DTX2: variants seen among roughly 807,000 people sequenced by gnomAD.
The protein encoded by DTX2 is probable E3 ubiquitin-protein ligase DTX2.
A neutral mutation model predicts 55.3 loss-of-function variants in DTX2; 29 were observed. The observed-to-expected ratio is 0.52, with a 90% CI of 0.39 to 0.71. DTX2 has a LOEUF of 0.71. Ranked by LOEUF, DTX2 falls within the 30% of genes least tolerant of loss-of-function variation. The pLI is 0.00. For synonymous variants in DTX2, 276 were observed against 340.4 expected (o/e 0.81, Z 2.08); for missense variants, 537 against 822.5 (o/e 0.65, Z 4.25).
chr7:76,490,335 CA>C (rs1810284546), intron 4 of DTX2, among the ~76,000 whole-genome samples: 2 of 86,500 alleles, frequency 2.3e-5, no homozygotes, highest in South Asian at 4.2e-4. Context: ...CTCACCCCCC[CA>C]AAAAAAGAAA....
chr7:76,495,030 G>A (rs140413917), intron 5 of DTX2, among the ~76,000 whole-genome samples: 30 of 146,394 alleles, frequency 2.0e-4, no homozygotes, highest in African/African-American at 6.7e-4. Context: ...ACTGCTTCCA[G>A]GTGACAGTGC....
chr7:76,483,351 C>G (rs2116406485), intron 4 of DTX2, among the ~76,000 whole-genome samples: 1 of 152,322 alleles, frequency 6.6e-6, no homozygotes, highest in African/African-American at 2.4e-5. Flanking sequence ...CTGGCGGTCA[C>G]CACACGGGTT....
intron 6 of DTX2, among the ~76,000 whole-genome samples, chr7:76,498,073 T>C (rs1469745082): frequency 6.6e-6 from 1 of 152,168 alleles, no homozygotes; most frequent in African/African-American, 2.4e-5. Context: ...GTGCTGGCCC[T>C]GCTTCCACCC....
At position 76,471,368 on chromosome 7, in the gene DTX2, A is replaced by G. The variant is rs568669610; in HGVS notation, c.-90+7659A>G. Among the ~76,000 whole-genome samples the G allele has an allele frequency of 2.0e-4, 30 of 149,698 alleles. No homozygotes were observed. In the South Asian group the frequency reaches 6.0e-3, roughly 30 times the overall value. ...AGTAGAGACAGGGTTTCACCATGTT[A>G]GCCACGATGGTCTCGATCTCCTGAC... On this transcript the variant is annotated intron_variant, in intron 2 of 10. Transcript: ENST00000430490.
At chr7:76,477,155 C>T (rs1346994499) in intron 2 of DTX2, 2 of 134,574 alleles carry the variant, frequency 1.5e-5, no homozygotes, top group African/African-American at 3.0e-5. Flanking sequence ...ATTCCGCCCG[C>T]CCGCCCGCCC....
intron 2 of DTX2, among the ~76,000 whole-genome samples, chr7:76,466,723 G>A (rs1248336334): frequency 1.8e-4 from 28 of 152,296 alleles, no homozygotes; most frequent in Admixed American, 3.9e-4. Context: ...CTCAGACTCC[G>A]GAGTAGCTAG....
rs775933858 is a variant in DTX2 at position 76,482,607 on chromosome 7, C to T, written c.368C>T (p.Ala123Val). 4.3e-6 allele frequency: 7 copies of T among 1,613,672 alleles called. No homozygotes were observed. Among genetic ancestry groups the T allele is most frequent in the South Asian group, 3.3e-5 (3 of 91,080 alleles). ...CTGAGCGACGATGGCTCCTGGACTG[C>T]CTATGAAGCCAGCGTCTGTGACTAT... ...EWLSDDGSWT[A>V]YEASVCDYLE... The change falls in exon 4 of 11, where the codon GCC becomes GTC. Residue 123 changes from alanine to valine, a missense_variant. Physicochemically the swap from Ala to Val is moderately conservative, Grantham distance 64. Coordinates refer to ENST00000430490, the MANE Select transcript of DTX2 (RefSeq NM_001102594.3).
Position 76,483,001 on chromosome 7 carries a change from G to A in DTX2, c.762G>A (p.Gly254=), listed in dbSNP as rs146537218. 306 of 1,613,512 alleles carry A rather than the reference G, an allele frequency of 1.9e-4. No individual in the cohort carries two copies. Among genetic ancestry groups the A allele is most frequent in the Middle Eastern group, 1.3e-3 (8 of 6,056 alleles). The change falls in exon 4 of 11, where the codon GGG becomes GGA. Residue 254 remains glycine, a synonymous_variant. Coordinates refer to ENST00000430490, the MANE Select transcript of DTX2 (RefSeq NM_001102594.3). ...FAPYNKPSLS[G]ARSAPRLNTT... is the part of the protein sequence containing the mutation. ...CGTACAACAAACCCTCACTCTCCGG[G>A]GCCCGGTCTGCGCCCAGGCTGAACA...
chr7:76,483,043 C>T lies in DTX2; in HGVS notation c.804C>T (p.Gly268=), dbSNP rs544024397. The T allele has an allele frequency of 2.1e-5, 34 of 1,613,336 alleles. No homozygotes were observed. Among genetic ancestry groups the T allele is most frequent in the East Asian group, 1.1e-4 (5 of 44,880 alleles). ...GGCTGAACACCACCAACGCCTGGGG[C>T]GCAGCTCCTCCTTCCCTGGGGAGCC... ...APRLNTTNAW[G]AAPPSLGSQP... is the part of the protein sequence containing the mutation. The change falls in exon 4 of 11, where the codon GGC becomes GGT. Residue 268 remains glycine, a synonymous_variant. Transcript: ENST00000430490.
At chr7:76,503,911 G>A (rs1054167430) in intron 9 of DTX2, among the ~76,000 whole-genome samples, 1 of 148,738 alleles carries the variant, frequency 6.7e-6, no homozygotes, top group African/African-American at 2.4e-5. Flanking sequence ...CCCTGCGGAG[G>A]GGCTGGAGAA....
At chr7:76,466,809 A>T (rs1231566454) in intron 2 of DTX2, among the ~76,000 whole-genome samples, 1 of 152,156 alleles carries the variant, frequency 6.6e-6, no homozygotes, top group Non-Finnish European at 1.5e-5. Context: ...TGTTAGTCAG[A>T]CTGGTCTCAA....
At chr7:76,501,166 G>A (rs1373415028) in intron 7 of DTX2, 10 of 407,164 alleles carry the variant, frequency 2.5e-5, no homozygotes, top group Non-Finnish European at 2.9e-5. Flanking sequence ...GTGGGTGAAC[G>A]GCCGGGAGTA....
Position 76,483,141 on chromosome 7 carries a change from C to T in DTX2, c.902C>T (p.Ala301Val). The change falls in exon 4 of 11, where the codon GCA (alanine) becomes GTA (valine). Residue 301 changes from alanine (A) to valine (V), a missense_variant. Physicochemically the swap from Ala to Val is moderately conservative, Grantham distance 64. Coordinates refer to ENST00000430490, the MANE Select transcript of DTX2 (RefSeq NM_001102594.3). ...HLPPGSSTSG[A>V]VSASLPSGPS... ...CCCCCAGGATCCTCCACCTCCGGTG[C>T]AGTCAGGTATCGTGGGCAACGGCCG... The T allele has an allele frequency of 1.2e-6, 2 of 1,610,342 alleles. No individual in the cohort carries two copies. The highest frequency in any genetic ancestry group is 1.7e-6 in the Non-Finnish European group (2 of 1,179,036).
rs138141868 is a variant in DTX2 at position 76,483,012 on chromosome 7, C to T, written c.773C>T (p.Ala258Val). 3.0e-4 allele frequency: 489 copies of T among 1,613,448 alleles called. 5 individuals carry two copies. The South Asian group carries it at 5.0e-3, about 16-fold the overall frequency. ...NKPSLSGARS[A>V]PRLNTTNAWG... ...CCCTCACTCTCCGGGGCCCGGTCTG[C>T]GCCCAGGCTGAACACCACCAACGCC... Residue 258 changes from alanine to valine, a missense_variant, in exon 4 of 11, where the codon GCG (alanine) becomes GTG (valine). This residue lies in a region of DTX2 where 301 missense variants were observed against 396.6 expected (regional missense o/e 0.76). Transcript: ENST00000430490.
intron 2 of DTX2, among the ~76,000 whole-genome samples, chr7:76,471,421 A>T (rs1807898973): frequency 1.3e-5 from 2 of 150,536 alleles, no homozygotes; most frequent in Admixed American, 6.6e-5. Flanking sequence ...TTGGCCTCCC[A>T]AAGTGCTGGG....
chr7:76,505,749 C>A lies in DTX2; in HGVS notation c.*148C>A. On this transcript the variant is annotated 3_prime_UTR_variant, in exon 11 of 11. Transcript: ENST00000430490. The surrounding 1 kb of genome is among the most constrained non-coding windows in gnomAD (Gnocchi z 4.4). ...CCACCTGAAGCCGGGGCTCCCCCTGCCTGCCTCTCTCTCCTCCTCCCCTCT... is the reference window on the plus strand; with the variant it reads ...CCACCTGAAGCCGGGGCTCCCCCTGACTGCCTCTCTCTCCTCCTCCCCTCT... The A allele has an allele frequency of 1.2e-6, 1 of 810,480 alleles. No individual in the cohort carries two copies. Among genetic ancestry groups the A allele is most frequent in the Non-Finnish European group, 1.9e-6 (1 of 514,906 alleles). The allele number at this position is 810,480 out of a possible 1,614,324, so 50.2% of individuals were successfully genotyped here. A position where few individuals can be genotyped will look rare whatever the true frequency, so the allele number is the denominator to read the frequency against.
chr7:76,467,963 G>A (rs1474160034), intron 2 of DTX2, among the ~76,000 whole-genome samples: 2 of 152,294 alleles, frequency 1.3e-5, no homozygotes, highest in African/African-American at 4.8e-5. Flanking sequence ...AGGAGCTGAC[G>A]GTTTGAGGGG....
At chr7:76,502,683 C>T (rs532258927) in intron 8 of DTX2, 196 of 545,904 alleles carry the variant, frequency 3.6e-4, no homozygotes, top group Middle Eastern at 1.4e-3. Flanking sequence ...AGGACCAGTG[C>T]GGCTGGTTCC....
chr7:76,480,482 T>A lies in DTX2; in HGVS notation c.-28T>A, dbSNP rs183022704. 2.8e-3 allele frequency: 4,325 copies of A among 1,538,236 alleles called. 13 individuals are homozygous for A. The highest frequency in any genetic ancestry group is 3.5e-3 in the Non-Finnish European group (3,998 of 1,144,804). The stretch of plus-strand genomic sequence containing the variant: ...CAGGCCAGAGGGGTCTGAAGCTGTT[T>A]GGGAAAGCAGCGGGACTCCTTGGGA... On this transcript the variant is annotated 5_prime_UTR_variant, in exon 3 of 11. Transcript: ENST00000430490.
Sources: gnomAD v4.1 joint callset for allele counts (sites outside exome capture counted in the v4.1 genomes callset) on GRCh38, gnomAD v4.1.1 for gene constraint, gnomAD v4.1.1 regional missense constraint, Gnocchi (gnomAD v3.1) non-coding constraint, MANE v1.5 for transcripts, NCBI Gene and HGNC (gene_info 2026-07-23, HGNC 2026-07-21) for gene names.